Variants in ST8SIA5 observed in about 807,000 individuals in gnomAD.
ST8SIA5 encodes the protein ST8 alpha-N-acetyl-neuraminide alpha-2,8-sialyltransferase 5.
Under a neutral mutation model 40.2 loss-of-function variants are expected in ST8SIA5, and 24 were observed. The ratio of observed to expected loss-of-function variants is 0.60; its 90% CI spans 0.43 to 0.84. The LOEUF (loss-of-function observed/expected upper bound fraction) is 0.84. ST8SIA5 is among the 40% of genes least tolerant of loss of function. The pLI is 0.00. For synonymous variants in ST8SIA5, 198 were observed against 201.8 expected (o/e 0.98, Z 0.16); for missense variants, 465 against 498.5 (o/e 0.93, Z 0.64).
At chr18:46,700,893 G>C (rs1206199396) in intron 2 of ST8SIA5, among the ~76,000 whole-genome samples, 2 of 152,186 alleles carry the variant, frequency 1.3e-5, no homozygotes, top group African/African-American at 4.8e-5. Context: ...TCTCTAAAGA[G>C]AGTGCAGAGA....
intron 1 of ST8SIA5, among the ~76,000 whole-genome samples, chr18:46,725,972 A>AAATATATATAT (rs59660372): frequency 1.1e-3 from 33 of 29,046 alleles, no homozygotes; most frequent in East Asian, 2.2e-3. Flanking sequence ...AAAAAAAAAA[A>AAATATATATAT]ATATATATAT....
intron 1 of ST8SIA5, among the ~76,000 whole-genome samples, chr18:46,713,524 G>T (rs959012421): frequency 8.5e-5 from 13 of 152,190 alleles, no homozygotes; most frequent in African/African-American, 2.7e-4. Flanking sequence ...CACTGGGAGA[G>T]AGTGCAGAGA....
chr18:46,689,568 T>C (rs1355294880), intron 3 of ST8SIA5, among the ~76,000 whole-genome samples: 1 of 147,170 alleles, frequency 6.8e-6, no homozygotes, highest in African/African-American at 2.5e-5. Context: ...AGGAATGTTT[T>C]ATGATTTTTT....
Position 46,679,956 on chromosome 18 carries a change from C to G in ST8SIA5, c.*86G>C. ...AGACAGCCTGAACGCCAGGACCCCA[C>G]GCTGCCCGGTTCGGGGCTCCCAGTT... On this transcript the variant is annotated 3_prime_UTR_variant, in exon 7 of 7. Coordinates refer to ENST00000315087, the MANE Select transcript of ST8SIA5 (RefSeq NM_013305.6). 2 of 1,327,456 alleles carry G rather than the reference C, an allele frequency of 1.5e-6. No individual in the cohort carries two copies. The highest frequency in any genetic ancestry group is 2.0e-6 in the Non-Finnish European group (2 of 976,064). 82.2% of individuals were successfully genotyped at this position (1,327,456 alleles called of 1,614,324 possible).
chr18:46,729,061 G>A (rs766342538), intron 1 of ST8SIA5, among the ~76,000 whole-genome samples: 2 of 151,962 alleles, frequency 1.3e-5, no homozygotes, highest in East Asian at 1.9e-4. Context: ...ATCATCCTGC[G>A]CCCCACCTGC....
At chr18:46,717,766 G>T (rs1289174820) in intron 1 of ST8SIA5, among the ~76,000 whole-genome samples, 1 of 152,166 alleles carries the variant, frequency 6.6e-6, no homozygotes, top group Non-Finnish European at 1.5e-5. Context: ...ATCTCTAAGG[G>T]AAGACTCAGG....
At chr18:46,730,858 G>C (rs2039978556) in intron 1 of ST8SIA5, among the ~76,000 whole-genome samples, 1 of 152,174 alleles carries the variant, frequency 6.6e-6, no homozygotes, top group Admixed American at 6.5e-5. Flanking sequence ...GCTAATACCT[G>C]TAATTCCAGT....
intron 1 of ST8SIA5, among the ~76,000 whole-genome samples, chr18:46,712,646 G>C (rs183767336): frequency 7.6e-4 from 116 of 152,256 alleles, no homozygotes; most frequent in African/African-American, 2.7e-3. Flanking sequence ...CTGTTGATGC[G>C]TGAGAAGGGT....
At chr18:46,684,048 A>T (rs764757851) in intron 5 of ST8SIA5, among the ~76,000 whole-genome samples, 6 of 152,156 alleles carry the variant, frequency 3.9e-5, no homozygotes, top group African/African-American at 7.2e-5. Context: ...ACATACAGGC[A>T]CCCAGCAAGG....
chr18:46,688,711 A>T (rs2039472455), intron 4 of ST8SIA5, 64 bp downstream of exon 4: 10 of 1,555,024 alleles, frequency 6.4e-6, no homozygotes, highest in Non-Finnish European at 8.7e-6. Context: ...GGACATTGCC[A>T]CGGAGGGCTA....
intron 1 of ST8SIA5, among the ~76,000 whole-genome samples, chr18:46,745,901 G>T (rs1384589416): frequency 3.9e-5 from 6 of 152,178 alleles, no homozygotes; most frequent in African/African-American, 1.4e-4. Flanking sequence ...GGGATGCAAG[G>T]CTGGTTCAAC....
chr18:46,700,908 G>A (rs1041744109), intron 2 of ST8SIA5, among the ~76,000 whole-genome samples: 5 of 152,160 alleles, frequency 3.3e-5, no homozygotes, highest in Non-Finnish European at 5.9e-5. Context: ...CAGAGACCAT[G>A]GGCTAGTACA....
At chr18:46,710,248 A>G (rs2039709337) in intron 1 of ST8SIA5, among the ~76,000 whole-genome samples, 1 of 135,334 alleles carries the variant, frequency 7.4e-6, no homozygotes, top group Admixed American at 7.8e-5. Context: ...AAGGCCAGAA[A>G]GAGGTGAACA....
Position 46,677,714 on chromosome 18 carries a change from G to A in ST8SIA5, c.*2328C>T. The A allele has an allele frequency of 6.6e-6, 1 of 152,312 alleles. No homozygotes were observed. The highest frequency in any genetic ancestry group is 1.5e-5 in the Non-Finnish European group (1 of 68,030). 9.4% of individuals were successfully genotyped at this position (152,312 alleles called of 1,614,324 possible). The stretch of plus-strand genomic sequence containing the variant: ...CTGGATCCCGATGCTCCAATCCTCA[G>A]CTCCTACGAGGGCCCTGGCTGGGGC... On this transcript the variant is annotated 3_prime_UTR_variant, in exon 7 of 7. Transcript: ENST00000315087.
intron 1 of ST8SIA5, among the ~76,000 whole-genome samples, chr18:46,713,268 A>G (rs2039751989): frequency 6.6e-6 from 1 of 152,216 alleles, no homozygotes; most frequent in Non-Finnish European, 1.5e-5. Context: ...ATGCATTGAT[A>G]ATTTAGAAAG....
chr18:46,686,003 T>C, intron 5 of ST8SIA5, 171 bp downstream of exon 5: 1 of 642,644 alleles, frequency 1.6e-6, no homozygotes, highest in Non-Finnish European at 2.8e-6. Flanking sequence ...GTTCAACGAC[T>C]TCCCCAAAGG....
At position 46,680,224 on chromosome 18, in the gene ST8SIA5, G is replaced by A. The variant is rs1244563943; in HGVS notation, c.949C>T (p.His317Tyr). The A allele has an allele frequency of 6.2e-7, 1 of 1,614,244 alleles. No homozygotes were observed. The highest frequency in any genetic ancestry group is 1.6e-4 in the Middle Eastern group (1 of 6,062). The stretch of plus-strand genomic sequence containing the variant: ...GGGAAGGCCCAGAAGCCAAAGAGGT[G>A]CACCTCCTCACAGAGCTCCAGCGCC... ...TAALELCEEVHLFGFWAFPMN... is the reference protein window; with the variant it reads ...TAALELCEEVYLFGFWAFPMN... Residue 317 changes from histidine to tyrosine, a missense_variant, in exon 7 of 7, where the codon CAC (histidine) becomes TAC (tyrosine). Coordinates refer to ENST00000315087, the MANE Select transcript of ST8SIA5 (RefSeq NM_013305.6).
intron 2 of ST8SIA5, among the ~76,000 whole-genome samples, chr18:46,702,470 T>C (rs184418504): frequency 6.6e-6 from 1 of 152,308 alleles, no homozygotes; most frequent in Admixed American, 6.5e-5. Context: ...AAGCCCCACA[T>C]GGTCTGGCCC....
At chr18:46,748,626 A>G (rs1039345883) in intron 1 of ST8SIA5, among the ~76,000 whole-genome samples, 6 of 152,038 alleles carry the variant, frequency 3.9e-5, no homozygotes, top group African/African-American at 1.4e-4. Flanking sequence ...CAAATAGCTA[A>G]CAAGCACATT....
Sources: allele counts gnomAD v4.1 joint callset (sites outside exome capture counted in the v4.1 genomes callset), GRCh38; gene constraint gnomAD v4.1.1; transcripts MANE v1.5; gene names NCBI Gene and HGNC (gene_info 2026-07-23, HGNC 2026-07-21).